Variants in HSD17B3 observed in about 807,000 individuals in gnomAD.
The protein encoded by HSD17B3 is hydroxysteroid 17-beta dehydrogenase 3, also known as 17-beta-hydroxysteroid dehydrogenase type 3.
A neutral mutation model predicts 41.1 loss-of-function variants in HSD17B3; 29 were observed. The ratio of observed to expected loss-of-function variants is 0.71; its 90% CI spans 0.53 to 0.96. The LOEUF (loss-of-function observed/expected upper bound fraction) is 0.96, where lower values mean the gene tolerates loss of function less well. Among genes scored for constraint, HSD17B3 ranks in the 40% least tolerant of loss-of-function variants. The probability of loss-of-function intolerance (pLI) is 0.00; values close to 1 mark genes in which losing one functional copy is unlikely to be tolerated. For missense variants in HSD17B3, 323 were observed against 374.6 expected, an observed-to-expected ratio of 0.86 and a Z score of 1.14; for synonymous variants, 126 against 145.6, an observed-to-expected ratio of 0.87 and a Z score of 0.97.
At chr9:96,270,957 G>GC (rs955158841) in intron 2 of HSD17B3, among the ~76,000 whole-genome samples, 7 of 147,908 alleles carry the variant, frequency 4.7e-5, no homozygotes, top group African/African-American at 1.5e-4. Flanking sequence ...TCCTCTCGGG[G>GC]GGGGGGGTTA....
At chr9:96,265,448 T>A (rs1826016682) in intron 2 of HSD17B3, among the ~76,000 whole-genome samples, 1 of 152,224 alleles carries the variant, frequency 6.6e-6, no homozygotes, top group African/African-American at 2.4e-5. Flanking sequence ...TGTTGTTTGA[T>A]CCTTTGAGTT....
chr9:96,250,460 G>C, intron 5 of HSD17B3: 14 of 1,063,490 alleles, frequency 1.3e-5, no homozygotes, highest in South Asian at 9.0e-5. Context: ...CAGCAGACTC[G>C]GGGCTTACAC....
At chr9:96,279,924 C>T (rs1465315604) in intron 2 of HSD17B3, among the ~76,000 whole-genome samples, 2 of 152,156 alleles carry the variant, frequency 1.3e-5, no homozygotes, top group Non-Finnish European at 2.9e-5. Flanking sequence ...CGCCCGCCAC[C>T]ACCCCTGGCT....
At position 96,240,848 on chromosome 9, in the gene HSD17B3, T is replaced by C. The variant is rs745553836; in HGVS notation, c.732A>G (p.Ile244Met). Reference sequence around the variant, plus strand: ...TGACAAACTCATCAGCAGTCTTGGTTATCACATTTGTATTTAGATACTTTG... The same window carrying C: ...TGACAAACTCATCAGCAGTCTTGGTCATCACATTTGTATTTAGATACTTTG... ...AMTKYLNTNVITKTADEFVKE... is the reference protein window; with the variant it reads ...AMTKYLNTNVMTKTADEFVKE... Residue 244 changes from isoleucine (I) to methionine (M), a missense_variant, in exon 10 of 11, where the codon ATA (isoleucine) becomes ATG (methionine). Transcript: ENST00000375263. 6.2e-7 allele frequency: 1 copy of C among 1,614,128 alleles called. No individual in the cohort carries two copies. Among genetic ancestry groups the C allele is most frequent in the Non-Finnish European group, 8.5e-7 (1 of 1,180,000 alleles).
intron 2 of HSD17B3, among the ~76,000 whole-genome samples, chr9:96,273,965 C>A (rs532620842): frequency 6.6e-6 from 1 of 152,324 alleles, no homozygotes; most frequent in South Asian, 2.1e-4. Flanking sequence ...GAGGTGATTT[C>A]TTCTTCAAAT....
At chr9:96,240,597 A>G (rs571341433) in intron 10 of HSD17B3, among the ~76,000 whole-genome samples, 161 bp downstream of exon 10, 25 of 152,160 alleles carry the variant, frequency 1.6e-4, no homozygotes, top group Non-Finnish European at 3.4e-4. Flanking sequence ...CTGAGCTCCC[A>G]GGCTCCGGCT....
In HSD17B3 at chr9:96,267,009, A is replaced by G. The variant is rs558554827; in HGVS notation, c.202-12066T>C. 7.9e-5 allele frequency among the ~76,000 whole-genome samples: 12 copies of G among 152,102 alleles called. No homozygotes were observed. In the South Asian group the frequency reaches 1.9e-3, roughly 24 times the overall value. On this transcript the variant is annotated intron_variant, in intron 2 of 10. Transcript: ENST00000375263. ...GATCATACTCACAACTACAAGACCC[A>G]CTCAACACAAGGCATGTCCAGGCAG...
At chr9:96,237,055 A>G (rs541397878) in intron 10 of HSD17B3, among the ~76,000 whole-genome samples, 23 of 152,294 alleles carry the variant, frequency 1.5e-4, no homozygotes, top group African/African-American at 5.3e-4. Flanking sequence ...TCCTCCCACT[A>G]GCCACGTCGC....
intron 2 of HSD17B3, among the ~76,000 whole-genome samples, chr9:96,283,722 A>C (rs1826797134): frequency 6.6e-6 from 1 of 151,006 alleles, no homozygotes; most frequent in Admixed American, 6.6e-5. Context: ...ATCCACAAAA[A>C]AAATTGTTGT....
intron 2 of HSD17B3, among the ~76,000 whole-genome samples, chr9:96,293,118 G>T (rs1306741023): frequency 1.3e-5 from 2 of 152,214 alleles, no homozygotes; most frequent in African/African-American, 4.8e-5. Context: ...AACAGGAAGA[G>T]AAAATACTGG....
At chr9:96,254,747 G>A (rs1825558483) in intron 3 of HSD17B3, 121 bp downstream of exon 3, 2 of 833,472 alleles carry the variant, frequency 2.4e-6, no homozygotes, top group Non-Finnish European at 4.1e-6. Flanking sequence ...CTCCCCAGGA[G>A]AGCTGGTGCC....
intron 1 of HSD17B3, among the ~76,000 whole-genome samples, chr9:96,298,769 G>A (rs902250460): frequency 9.9e-5 from 15 of 152,144 alleles, no homozygotes; most frequent in African/African-American, 3.6e-4. Flanking sequence ...TCCGCAGCCA[G>A]GGAACATTTC....
At chr9:96,290,351 A>C (rs1189662121) in intron 2 of HSD17B3, among the ~76,000 whole-genome samples, 1 of 151,782 alleles carries the variant, frequency 6.6e-6, no homozygotes, top group Non-Finnish European at 1.5e-5. Context: ...ATCAAAAAAA[A>C]CCTGGACACA....
At chr9:96,266,925 C>A (rs150168899) in intron 2 of HSD17B3, among the ~76,000 whole-genome samples, 4 of 152,004 alleles carry the variant, frequency 2.6e-5, no homozygotes, top group Non-Finnish European at 5.9e-5. Flanking sequence ...TCTGACCCAC[C>A]CCAAGGAAAA....
chr9:96,253,159 G>A (rs532146481), intron 3 of HSD17B3, among the ~76,000 whole-genome samples: 2 of 152,128 alleles, frequency 1.3e-5, no homozygotes, highest in South Asian at 2.1e-4. Context: ...TTACTGCAGC[G>A]GTTCTCAAAG....
intron 2 of HSD17B3, among the ~76,000 whole-genome samples, chr9:96,258,986 T>G (rs1356201062): frequency 6.6e-6 from 1 of 152,196 alleles, no homozygotes; most frequent in Non-Finnish European, 1.5e-5. Context: ...TGAGAGAGGG[T>G]TTGTCATCTT....
At chr9:96,244,308 C>A (rs1282868080) in intron 9 of HSD17B3, 21 bp downstream of exon 9, 1 of 1,613,206 alleles carries the variant, frequency 6.2e-7, no homozygotes, top group South Asian at 1.1e-5. Context: ...ATGACAAGGA[C>A]TCCACAGCTG....
At chr9:96,271,526 G>A (rs939057573) in intron 2 of HSD17B3, among the ~76,000 whole-genome samples, 3 of 152,180 alleles carry the variant, frequency 2.0e-5, no homozygotes, top group Non-Finnish European at 2.9e-5. Flanking sequence ...GGGAAGGTCA[G>A]TGGACCCATA....
chr9:96,257,688 A>G, intron 2 of HSD17B3, among the ~76,000 whole-genome samples: 1 of 152,192 alleles, frequency 6.6e-6, no homozygotes, highest in East Asian at 1.9e-4. Flanking sequence ...ATGAGCACTT[A>G]GGGTGTTTTC....
Sources: gnomAD v4.1 joint callset for allele counts (sites outside exome capture counted in the v4.1 genomes callset) on GRCh38, gnomAD v4.1.1 for gene constraint, MANE v1.5 for transcripts, NCBI Gene and HGNC (gene_info 2026-07-23, HGNC 2026-07-21) for gene names.